Variants in MYL12B observed in about 807,000 individuals in gnomAD.
MYL12B encodes the protein myosin regulatory light chain 12B.
A neutral mutation model predicts 12.9 loss-of-function variants in MYL12B; 3 were observed. The ratio of observed to expected loss-of-function variants is 0.23; its 90% CI spans 0.11 to 0.60. MYL12B has a LOEUF of 0.60. Ranked by LOEUF, MYL12B falls within the 20% of genes least tolerant of loss-of-function variation. The pLI is 0.89. For missense variants in MYL12B, 120 were observed against 215.4 expected (o/e 0.56, Z 2.77); for synonymous variants, 57 against 71.9 (o/e 0.79, Z 1.05).
rs950813051 is a variant in MYL12B, at chr18:3,271,495, GCT to G, written c.-15-1387_-15-1386del. Among the ~76,000 whole-genome samples the G allele has an allele frequency of 3.3e-5, 5 of 152,198 alleles. No homozygotes were observed. In the East Asian group the frequency reaches 9.6e-4, roughly 29 times the overall value. On this transcript the variant is annotated intron_variant, in intron 1 of 3. Coordinates refer to ENST00000237500, the MANE Select transcript of MYL12B (RefSeq NM_033546.4). Reference sequence around the variant, plus strand: ...GGAGACTTAGGTCCAAAATCCCCTTGCTCAGTCATTGACCTCTCTAGTCATTT... The same window carrying G: ...GGAGACTTAGGTCCAAAATCCCCTTGCAGTCATTGACCTCTCTAGTCATTT...
chr18:3,276,515 T>G (rs2081732911), intron 2 of MYL12B: 3 of 985,068 alleles, frequency 3.0e-6, no homozygotes, highest in South Asian at 4.7e-5. Flanking sequence ...AAGACCACAG[T>G]TCAATGACAT....
At chr18:3,268,044 C>A (rs1372969818) in intron 1 of MYL12B, among the ~76,000 whole-genome samples, 1 of 152,020 alleles carries the variant, frequency 6.6e-6, no homozygotes, top group Non-Finnish European at 1.5e-5. Context: ...AATTGATTCT[C>A]GGTTGAATCT....
intron 1 of MYL12B, among the ~76,000 whole-genome samples, chr18:3,265,909 T>C (rs1309799080): frequency 2.0e-5 from 3 of 152,174 alleles, no homozygotes; most frequent in Non-Finnish European, 2.9e-5. Flanking sequence ...AGAAGGACTT[T>C]AAACTTTTCT....
chr18:3,269,271 C>G (rs9303926), intron 1 of MYL12B, among the ~76,000 whole-genome samples: 145,128 of 152,296 alleles, frequency 0.95, 69,225 homozygotes, highest in Non-Finnish European at 0.98. Context: ...GACAGCCCTG[C>G]CTAGAAAACT....
In MYL12B at chr18:3,278,055, CT is replaced by C; in HGVS notation, c.*123del. 1 of 1,280,138 alleles carries C rather than the reference CT, an allele frequency of 7.8e-7. No individual in the cohort carries two copies. The highest frequency in any genetic ancestry group is 1.1e-6 in the Non-Finnish European group (1 of 933,094). The allele number at this position is 1,280,138 out of a possible 1,614,324, so 79.3% of individuals were successfully genotyped here. Reference sequence around the variant, plus strand: ...ACTTAGTTTCACAGCTTTGCCTCTTCTTTTTGATGTATTTATTCCAGACCTT... The same window carrying C: ...ACTTAGTTTCACAGCTTTGCCTCTTCTTTTGATGTATTTATTCCAGACCTT... On this transcript the variant is annotated 3_prime_UTR_variant, in exon 4 of 4. Transcript: ENST00000237500.
chr18:3,274,914 G>T (rs2081716298), intron 2 of MYL12B, among the ~76,000 whole-genome samples: 1 of 152,120 alleles, frequency 6.6e-6, no homozygotes, highest in Non-Finnish European at 1.5e-5. Context: ...GTTCCTCAGA[G>T]AACTAAAAAT....
intron 2 of MYL12B, among the ~76,000 whole-genome samples, chr18:3,276,764 C>T (rs112041495): frequency 1.5e-4 from 23 of 152,084 alleles, no homozygotes; most frequent in Non-Finnish European, 2.6e-4. Context: ...AGGCCGGGCG[C>T]GGTGATGCAC....
chr18:3,277,634 G>T, intron 3 of MYL12B, 131 bp from the exon 4 acceptor site: 1 of 1,296,886 alleles, frequency 7.7e-7, no homozygotes, highest in Non-Finnish European at 1.0e-6. Flanking sequence ...TATAGCCTTA[G>T]TTCACTAACT....
chr18:3,274,936 C>T lies in MYL12B; in HGVS notation c.184+1854C>T, dbSNP rs540747503. On this transcript the variant is annotated intron_variant, in intron 2 of 3. Coordinates refer to ENST00000237500, the MANE Select transcript of MYL12B (RefSeq NM_033546.4). ...AGAGAACTAAAAATAGGAGCTCTCC[C>T]ATATGATCCAGCAATCCCACTGCTA... 1.5e-3 allele frequency among the ~76,000 whole-genome samples: 230 copies of T among 152,280 alleles called. 3 individuals are homozygous for T. In the South Asian group the frequency reaches 0.032, roughly 21 times the overall value.
chr18:3,273,900 ATTC>A (rs1315228160), intron 2 of MYL12B, among the ~76,000 whole-genome samples: 1 of 142,998 alleles, frequency 7.0e-6, no homozygotes, highest in African/African-American at 2.7e-5. Flanking sequence ...GCTAGCTTTT[ATTC>A]TTCTAACTTT....
chr18:3,266,578 AACTAAT>A (rs61708857), intron 1 of MYL12B, among the ~76,000 whole-genome samples: 122,403 of 151,774 alleles, frequency 0.81, 49,685 homozygotes, highest in Middle Eastern at 0.87. Context: ...ACAGATAACA[AACTAAT>A]ACCAGCTGGG....
chr18:3,271,164 G>A (rs2081675977), intron 1 of MYL12B, among the ~76,000 whole-genome samples: 1 of 152,146 alleles, frequency 6.6e-6, no homozygotes, highest in Non-Finnish European at 1.5e-5. Context: ...GGTATGTGAA[G>A]AAGAATGAAA....
At chr18:3,276,397 C>T (rs2081731641) in intron 2 of MYL12B, 2 of 983,904 alleles carry the variant, frequency 2.0e-6, no homozygotes, top group Non-Finnish European at 2.4e-6. Context: ...AGGGAGATTT[C>T]TTTCAGCTCC....
chr18:3,272,135 G>A (rs1014197373), intron 1 of MYL12B: 4 of 973,322 alleles, frequency 4.1e-6, no homozygotes, highest in Middle Eastern at 5.3e-4. Flanking sequence ...AAAGATGAAA[G>A]GGTGGGTTTG....
chr18:3,272,760 C>T, intron 1 of MYL12B, 124 bp from the exon 2 acceptor site: 3 of 875,782 alleles, frequency 3.4e-6, no homozygotes, highest in Non-Finnish European at 4.9e-6. Flanking sequence ...TTATTCCTAC[C>T]CAATTGAAGT....
intron 1 of MYL12B, among the ~76,000 whole-genome samples, chr18:3,264,987 CAG>C (rs1389617594): frequency 2.6e-5 from 4 of 152,006 alleles, no homozygotes; most frequent in Non-Finnish European, 5.9e-5. Context: ...TATAGGAGCT[CAG>C]AGAATAGAAA....
Position 3,267,856 on chromosome 18 carries a change from A to G in MYL12B, c.-15-5028A>G, listed in dbSNP as rs149206756. ...AGATACTAGAATCTGCAGATGCTCA[A>G]GTCTCCCATATAAAATGGCATAGTA... On this transcript the variant is annotated intron_variant, in intron 1 of 3. Transcript: ENST00000237500. 4.1e-3 allele frequency among the ~76,000 whole-genome samples: 621 copies of G among 152,326 alleles called. 4 individuals are homozygous for G. The highest frequency in any genetic ancestry group is 0.014 in the African/African-American group (594 of 41,566).
intron 1 of MYL12B, among the ~76,000 whole-genome samples, chr18:3,263,718 A>G (rs2081614223): frequency 6.6e-6 from 1 of 151,962 alleles, no homozygotes; most frequent in African/African-American, 2.4e-5. Context: ...TTTTGCCAGC[A>G]TCTTTGTGAT....
At chr18:3,267,176 A>G (rs1181433805) in intron 1 of MYL12B, among the ~76,000 whole-genome samples, 1 of 152,228 alleles carries the variant, frequency 6.6e-6, no homozygotes, top group Non-Finnish European at 1.5e-5. Flanking sequence ...GGCTATAGGC[A>G]TCACTTTTTT....
Sources: gnomAD v4.1 joint callset for allele counts (sites outside exome capture counted in the v4.1 genomes callset) on GRCh38, gnomAD v4.1.1 for gene constraint, MANE v1.5 for transcripts, NCBI Gene and HGNC (gene_info 2026-07-23, HGNC 2026-07-21) for gene names.